Variants in SGIP1 observed in about 807,000 individuals in gnomAD.
SGIP1 encodes SH3GL interacting endocytic adaptor 1, also known as SH3-containing GRB2-like protein 3-interacting protein 1.
Under a neutral mutation model 107.5 loss-of-function variants are expected in SGIP1, and 38 were observed. The observed-to-expected ratio is 0.35, with a 90% CI of 0.27 to 0.46. The LOEUF is 0.46. Ranked by LOEUF, SGIP1 falls within the 20% of genes least tolerant of loss-of-function variation. The probability of loss-of-function intolerance (pLI) is 1.00; values close to 1 mark genes in which losing one functional copy is unlikely to be tolerated. For synonymous variants in SGIP1, 365 were observed against 366.1 expected (o/e 1.00, Z 0.03); for missense variants, 929 against 1,019.5 (o/e 0.91, Z 1.21).
chr1:66,606,641 A>G (rs1389558639), intron 1 of SGIP1, among the ~76,000 whole-genome samples: 2 of 152,246 alleles, frequency 1.3e-5, no homozygotes, highest in Non-Finnish European at 2.9e-5. Flanking sequence ...TCAGGCTCTG[A>G]TTCCTTCCAA....
chr1:66,650,455 A>T (rs2078526998), intron 7 of SGIP1, among the ~76,000 whole-genome samples: 1 of 152,176 alleles, frequency 6.6e-6, no homozygotes, highest in Admixed American at 6.5e-5. Context: ...AGTCTGAGAA[A>T]ACAACATCTA....
At chr1:66,682,451 T>C (rs1428790037) in intron 15 of SGIP1, 82 bp downstream of exon 15, 1 of 1,510,728 alleles carries the variant, frequency 6.6e-7, no homozygotes, top group Admixed American at 2.2e-5. Context: ...TCCTCCTGCC[T>C]GGCAGCTGGC....
intron 1 of SGIP1, among the ~76,000 whole-genome samples, chr1:66,607,961 C>G (rs1422737369): frequency 6.6e-6 from 1 of 152,090 alleles, no homozygotes; most frequent in Admixed American, 6.6e-5. Context: ...GCGGGGATCA[C>G]CAAAGATCTT....
intron 1 of SGIP1, among the ~76,000 whole-genome samples, chr1:66,538,964 C>T (rs560421961): frequency 1.3e-5 from 2 of 152,310 alleles, no homozygotes; most frequent in South Asian, 2.1e-4. Context: ...TTTAGATACT[C>T]ATGACACTGG....
intron 1 of SGIP1, among the ~76,000 whole-genome samples, chr1:66,595,173 G>A (rs1402502370): frequency 6.6e-6 from 1 of 152,166 alleles, no homozygotes. Flanking sequence ...GCTGATCATT[G>A]GCTTTTCAGC....
At position 66,740,640 on chromosome 1, in the gene SGIP1, T is replaced by C. The variant is rs1028809963; in HGVS notation, c.2235-18T>C. The C allele has an allele frequency of 1.3e-6, 2 of 1,568,124 alleles. No homozygotes were observed. Among genetic ancestry groups the C allele is most frequent in the Admixed American group, 3.5e-5 (2 of 57,622 alleles). ...AACTCTTGGATATGCAAAAACCTTTTACCTAATTTATTTTTAGGAATGCTG... is the reference window on the plus strand; with the variant it reads ...AACTCTTGGATATGCAAAAACCTTTCACCTAATTTATTTTTAGGAATGCTG... On this transcript the variant is annotated intron_variant, in intron 22 of 24. Coordinates refer to ENST00000371037, the MANE Select transcript of SGIP1 (RefSeq NM_032291.4).
chr1:66,724,878 T>A (rs2093688438), intron 19 of SGIP1, among the ~76,000 whole-genome samples: 2 of 152,208 alleles, frequency 1.3e-5, no homozygotes, highest in Admixed American at 1.3e-4. Context: ...AATAACAATA[T>A]TCTAAGTGAT....
At chr1:66,583,636 AT>A (rs1406148443) in intron 1 of SGIP1, among the ~76,000 whole-genome samples, 1 of 152,100 alleles carries the variant, frequency 6.6e-6, no homozygotes, top group Non-Finnish European at 1.5e-5. Context: ...GCTGTGCTTC[AT>A]TTTACATCCT....
Position 66,741,260 on chromosome 1 carries a change from G to GTT in SGIP1, c.2300-4_2300-3dup. 18 of 1,507,680 alleles carry GTT rather than the reference G, an allele frequency of 1.2e-5. No individual in the cohort carries two copies. Among genetic ancestry groups the GTT allele is most frequent in the South Asian group, 3.8e-5 (3 of 79,464 alleles). The allele number at this position is 1,507,680 out of a possible 1,614,324, so 93.4% of individuals were successfully genotyped here. A position where few individuals can be genotyped will look rare whatever the true frequency, so the allele number is the denominator to read the frequency against. On this transcript the variant is annotated splice_polypyrimidine_tract_variant and intron_variant, in intron 23 of 24. Transcript: ENST00000371037. ...GTTGACTGTTACCTTGTAATAATGT[G>GTT]TTTTTTTTTAGGGGTGGGTTCTTTG...
chr1:66,642,829 A>C lies in SGIP1; in HGVS notation c.248A>C (p.Glu83Ala). 1 of 1,612,674 alleles carries C rather than the reference A, an allele frequency of 6.2e-7. No individual in the cohort carries two copies. Among genetic ancestry groups the C allele is most frequent in the Non-Finnish European group, 8.5e-7 (1 of 1,179,368 alleles). Residue 83 changes from glutamate (E) to alanine (A), a missense_variant, in exon 6 of 25, where the codon GAA becomes GCA. Glu to Ala is a moderately radical substitution (Grantham distance 107). Coordinates refer to ENST00000371037, the MANE Select transcript of SGIP1 (RefSeq NM_032291.4). Reference sequence around the variant, plus strand: ...TTATAGAACTCACCTGAGCTGGATGAAGAAGGCTACAGCATCAGACCCGAG... The same window carrying C: ...TTATAGAACTCACCTGAGCTGGATGCAGAAGGCTACAGCATCAGACCCGAG... ...WERYNSPELD[E>A]EGYSIRPEEP...
intron 14 of SGIP1, among the ~76,000 whole-genome samples, chr1:66,679,980 A>G (rs530157932): frequency 2.4e-4 from 37 of 152,380 alleles, no homozygotes; most frequent in African/African-American, 8.4e-4. Flanking sequence ...TTTCCTTGGT[A>G]TAATTTTGTT....
At chr1:66,685,707 G>A (rs572235241) in intron 15 of SGIP1, among the ~76,000 whole-genome samples, 8 of 152,122 alleles carry the variant, frequency 5.3e-5, no homozygotes, top group East Asian at 1.9e-4. Context: ...GTACCTAGCC[G>A]CATGTGGTTA....
intron 1 of SGIP1, among the ~76,000 whole-genome samples, chr1:66,543,694 G>A (rs11208904): frequency 0.14 from 20,927 of 152,104 alleles, 1,963 homozygotes; most frequent in East Asian, 0.43. Flanking sequence ...AGTACAGTGT[G>A]GGGGGAAGGG....
chr1:66,599,452 A>G (rs1343084613), intron 1 of SGIP1, among the ~76,000 whole-genome samples: 1 of 152,196 alleles, frequency 6.6e-6, no homozygotes, highest in East Asian at 1.9e-4. Flanking sequence ...AAAAATTCAC[A>G]GCAAGTCAGA....
In SGIP1 at chr1:66,637,742, T is replaced by G. The variant is rs184295933; in HGVS notation, c.171+1727T>G. On this transcript the variant is annotated intron_variant, in intron 4 of 24. Transcript: ENST00000371037. ...GGAAAGAAAAACAAGTATATATATA[T>G]ATCTGTGTGTGTGTATAGGTATCTG... 1.3e-3 allele frequency among the ~76,000 whole-genome samples: 202 copies of G among 151,344 alleles called. 1 individual carries two copies. The highest frequency in any genetic ancestry group is 4.8e-3 in the African/African-American group (199 of 41,294).
At chr1:66,670,767 A>G (rs2083584258) in intron 9 of SGIP1, among the ~76,000 whole-genome samples, 1 of 152,212 alleles carries the variant, frequency 6.6e-6, no homozygotes, top group Non-Finnish European at 1.5e-5. Flanking sequence ...TCTTCTTCAG[A>G]AGACTTACGA....
chr1:66,674,105 C>A (rs1239603671), intron 12 of SGIP1, among the ~76,000 whole-genome samples: 4 of 151,988 alleles, frequency 2.6e-5, no homozygotes, highest in African/African-American at 9.7e-5. Context: ...GAAGTCAAGG[C>A]TGCAGTGAGC....
intron 7 of SGIP1, among the ~76,000 whole-genome samples, chr1:66,647,782 T>C (rs1249915705): frequency 6.6e-6 from 1 of 152,174 alleles, no homozygotes; most frequent in East Asian, 1.9e-4. Flanking sequence ...AGGTTCACTG[T>C]TTTTTAAGGC....
intron 1 of SGIP1, among the ~76,000 whole-genome samples, chr1:66,603,524 T>A (rs2066258493): frequency 6.6e-6 from 1 of 152,296 alleles, no homozygotes; most frequent in East Asian, 1.9e-4. Context: ...CTTGTATTGC[T>A]TCTGATACAG....
Sources: allele counts gnomAD v4.1 joint callset (sites outside exome capture counted in the v4.1 genomes callset), GRCh38; gene constraint gnomAD v4.1.1; transcripts MANE v1.5; gene names NCBI Gene and HGNC (gene_info 2026-07-23, HGNC 2026-07-21).